USP22: variants seen among roughly 807,000 people sequenced by gnomAD.
The protein encoded by USP22 is ubiquitin specific peptidase 22.
In USP22, 22 loss-of-function variants were observed where a neutral mutation model predicts 68.1. That is an observed-to-expected ratio of 0.32 (90% CI 0.23 to 0.46). The LOEUF (loss-of-function observed/expected upper bound fraction) is 0.46. USP22 is among the 20% of genes least tolerant of loss of function. USP22 has a pLI of 1.00. For synonymous variants in USP22, 279 were observed against 274.2 expected (o/e 1.02, Z -0.17); for missense variants, 433 against 695.8 (o/e 0.62, Z 4.25).
intron 6 of USP22, among the ~76,000 whole-genome samples, chr17:21,014,897 A>T (rs1052238300): frequency 1.3e-5 from 2 of 152,244 alleles, no homozygotes; most frequent in Non-Finnish European, 2.9e-5. Context: ...AGCGGCATCA[A>T]CATCAGCTGG....
chr17:21,036,080 T>C (rs941746403), intron 1 of USP22, among the ~76,000 whole-genome samples: 1 of 139,370 alleles, frequency 7.2e-6, no homozygotes, highest in Admixed American at 7.2e-5. Flanking sequence ...ATCCACTCAA[T>C]GGATACAATG....
intron 2 of USP22, among the ~76,000 whole-genome samples, chr17:21,026,419 A>G (rs1285685699): frequency 6.6e-6 from 1 of 151,966 alleles, no homozygotes; most frequent in African/African-American, 2.4e-5. Flanking sequence ...TTGACCTCCT[A>G]GGCTCAAGAG....
chr17:21,016,879 T>C (rs1972089593), intron 5 of USP22, among the ~76,000 whole-genome samples: 1 of 152,160 alleles, frequency 6.6e-6, no homozygotes, highest in Non-Finnish European at 1.5e-5. Flanking sequence ...CTCATCTATC[T>C]ATAGGCTAGA....
At chr17:21,009,165 G>A (rs192171263) in intron 8 of USP22, among the ~76,000 whole-genome samples, 9 of 151,798 alleles carry the variant, frequency 5.9e-5, no homozygotes, top group Admixed American at 4.6e-4. Flanking sequence ...GAGGCAGGAG[G>A]TAGGAGGGCT....
intron 1 of USP22, among the ~76,000 whole-genome samples, chr17:21,040,397 A>G (rs1263041113): frequency 1.3e-5 from 2 of 152,186 alleles, no homozygotes; most frequent in African/African-American, 4.8e-5. Flanking sequence ...GTCAGAGGAA[A>G]AAGCATGGAG....
Position 21,002,276 on chromosome 17 carries a change from C to T in USP22, c.*755G>A, listed in dbSNP as rs1913610397. 1.3e-5 allele frequency: 2 copies of T among 152,208 alleles called. No homozygotes were observed. Among genetic ancestry groups the T allele is most frequent in the African/African-American group, 4.8e-5 (2 of 41,448 alleles). The allele number at this position is 152,208 out of a possible 1,614,324, so 9.4% of individuals were successfully genotyped here. A position where few individuals can be genotyped will look rare whatever the true frequency, so the allele number is the denominator to read the frequency against. On this transcript the variant is annotated 3_prime_UTR_variant, in exon 13 of 13. Transcript: ENST00000261497. ...TAAAAAGCAAGACTCGCTCTTGAGACTAAAGGAGAAGTTACCTAAATTTCT... is the reference window on the plus strand; with the variant it reads ...TAAAAAGCAAGACTCGCTCTTGAGATTAAAGGAGAAGTTACCTAAATTTCT...
chr17:21,020,393 C>T (rs888294518), intron 3 of USP22, among the ~76,000 whole-genome samples: 10 of 152,218 alleles, frequency 6.6e-5, no homozygotes, highest in African/African-American at 1.7e-4. Flanking sequence ...ACGGCAAGTG[C>T]AAAACCCACA....
At chr17:21,024,213 CAG>C (rs1972192754) in intron 2 of USP22, among the ~76,000 whole-genome samples, 1 of 152,162 alleles carries the variant, frequency 6.6e-6, no homozygotes. Flanking sequence ...GAAATCCTGA[CAG>C]AGACAAGTTT....
chr17:21,023,858 T>G (rs1267863308), intron 2 of USP22, among the ~76,000 whole-genome samples: 1 of 152,162 alleles, frequency 6.6e-6, no homozygotes, highest in Non-Finnish European at 1.5e-5. Flanking sequence ...ATAGCAACGG[T>G]ACTAGTGCTT....
rs1243074229 is a variant in USP22, at chr17:21,002,773, G to A, written c.*258C>T. 3.3e-5 allele frequency: 15 copies of A among 450,692 alleles called. No homozygotes were observed. Among genetic ancestry groups the A allele is most frequent in the Admixed American group, 1.7e-4 (5 of 28,756 alleles). 27.9% of individuals were successfully genotyped at this position (450,692 alleles called of 1,614,324 possible). A position where few individuals can be genotyped will look rare whatever the true frequency, so the allele number is the denominator to read the frequency against. On this transcript the variant is annotated 3_prime_UTR_variant, in exon 13 of 13. Coordinates refer to ENST00000261497, the MANE Select transcript of USP22 (RefSeq NM_015276.2). ...ATGACACAAGAGATGTTCTGGTGAC[G>A]GGTGTACGCTGCTCCTCCCACCCAG...
intron 6 of USP22, among the ~76,000 whole-genome samples, chr17:21,015,178 A>C (rs1034594267): frequency 6.6e-6 from 1 of 152,098 alleles, no homozygotes; most frequent in African/African-American, 2.4e-5. Context: ...CCAACTACCA[A>C]CACCACACAA....
rs1913641458 is a variant in USP22 at position 21,002,952 on chromosome 17, G to A, written c.*79C>T. ...CGGGGAGGCGGCGGGAGACTTGGGG[G>A]AGGGGGGGGCCAGGGAGGATCACTT... On this transcript the variant is annotated 3_prime_UTR_variant, in exon 13 of 13. Coordinates refer to ENST00000261497, the MANE Select transcript of USP22 (RefSeq NM_015276.2). 1 of 1,553,364 alleles carries A rather than the reference G, an allele frequency of 6.4e-7. No individual in the cohort carries two copies. The highest frequency in any genetic ancestry group is 8.8e-7 in the Non-Finnish European group (1 of 1,137,342).
At position 21,024,269 on chromosome 17, in the gene USP22, G is replaced by A. The variant is rs375191879; in HGVS notation, c.305-3043C>T. ...ATTTACAGTAAGGCCAAGATATCCC[G>A]TGAAAAACAGCCCACACATGTAGCT... On this transcript the variant is annotated intron_variant, in intron 2 of 12. Coordinates refer to ENST00000261497, the MANE Select transcript of USP22 (RefSeq NM_015276.2). Among the ~76,000 whole-genome samples the A allele has an allele frequency of 1.6e-4, 25 of 152,266 alleles. No individual in the cohort carries two copies. In the East Asian group the frequency reaches 4.1e-3, roughly 25 times the overall value.
In USP22 at chr17:21,019,495, G is replaced by A. The variant is rs535851463; in HGVS notation, c.419-310C>T. Among the ~76,000 whole-genome samples the A allele has an allele frequency of 3.3e-5, 5 of 152,364 alleles. No individual in the cohort carries two copies. In the East Asian group the frequency reaches 9.6e-4, roughly 29 times the overall value. On this transcript the variant is annotated intron_variant, in intron 3 of 12. Coordinates refer to ENST00000261497, the MANE Select transcript of USP22 (RefSeq NM_015276.2). ...CAAATGTCTTCCATCCTTCAGCACAGAGATGGCAGCATCAGCACCAATGGG... is the reference window on the plus strand; with the variant it reads ...CAAATGTCTTCCATCCTTCAGCACAAAGATGGCAGCATCAGCACCAATGGG...
chr17:21,003,664 G>A (rs1913672778), intron 12 of USP22, among the ~76,000 whole-genome samples: 1 of 152,172 alleles, frequency 6.6e-6, no homozygotes, highest in Non-Finnish European at 1.5e-5. Flanking sequence ...CACTTTGGGA[G>A]GCCAAGGCAG....
Position 21,021,093 on chromosome 17 carries a change from A to G in USP22, c.418+20T>C. 1.3e-6 allele frequency: 2 copies of G among 1,590,968 alleles called. No individual in the cohort carries two copies. Among genetic ancestry groups the G allele is most frequent in the African/African-American group, 1.3e-5 (1 of 74,610 alleles). On this transcript the variant is annotated intron_variant, in intron 3 of 12. Coordinates refer to ENST00000261497, the MANE Select transcript of USP22 (RefSeq NM_015276.2). ...GAGGGAACTGCAGGATCAAGCAGGT[A>G]AACTGAGGTGGAACCAAACCTTGCA...
chr17:21,005,235 G>A, intron 10 of USP22: 1 of 530,316 alleles, frequency 1.9e-6, no homozygotes, highest in Non-Finnish European at 3.4e-6. Flanking sequence ...TTCTTCCAAG[G>A]TGGGTCCTGA....
chr17:21,040,856 C>G (rs990165876), intron 1 of USP22, among the ~76,000 whole-genome samples: 3 of 151,720 alleles, frequency 2.0e-5, no homozygotes, highest in African/African-American at 7.3e-5. Flanking sequence ...CAGCACATTC[C>G]CTGTAGAAGA....
chr17:21,033,753 A>ATT lies in USP22; in HGVS notation c.172-5081_172-5080dup, dbSNP rs34176328. On this transcript the variant is annotated intron_variant, in intron 1 of 12. Coordinates refer to ENST00000261497, the MANE Select transcript of USP22 (RefSeq NM_015276.2). ...TGACATAAGTGAAGGGACAGGTATA[A>ATT]TTTTTTTTTTTTTTGAGAAGGAGTC... Among the ~76,000 whole-genome samples the ATT allele has an allele frequency of 1.3e-3, 187 of 146,194 alleles. 1 individual carries two copies. Among genetic ancestry groups the ATT allele is most frequent in the Middle Eastern group, 3.5e-3 (1 of 286 alleles).
Sources: gnomAD v4.1 joint callset for allele counts (sites outside exome capture counted in the v4.1 genomes callset) on GRCh38, gnomAD v4.1.1 for gene constraint, MANE v1.5 for transcripts, NCBI Gene and HGNC (gene_info 2026-07-23, HGNC 2026-07-21) for gene names.